RYR3: variants seen among roughly 807,000 people sequenced by gnomAD.
RYR3 encodes the protein ryanodine receptor 3.
RYR3 carries 207 observed loss-of-function variants against 584.3 expected under a neutral mutation model. The ratio of observed to expected loss-of-function variants is 0.35; its 90% confidence interval spans 0.32 to 0.40. RYR3 has a LOEUF of 0.40. Among genes scored for constraint, RYR3 ranks in the 10% least tolerant of loss-of-function variants. The pLI, the probability that RYR3 is intolerant of heterozygous loss-of-function variation, is 1.00. For synonymous variants in RYR3, 2,416 were observed against 2,248.5 expected (o/e 1.07, Z -2.11); for missense variants, 5,616 against 6,089.2 (o/e 0.92, Z 2.59).
At chr15:33,565,617 C>A (rs1249065904) in intron 11 of RYR3, among the ~76,000 whole-genome samples, 3 of 152,172 alleles carry the variant, frequency 2.0e-5, no homozygotes, top group African/African-American at 4.8e-5. Flanking sequence ...GACATGTAGA[C>A]TTCCAGGATC....
At chr15:33,742,301 C>G in intron 51 of RYR3, 65 bp from the exon 52 acceptor site, 1 of 1,010,874 alleles carries the variant, frequency 9.9e-7, no homozygotes. Flanking sequence ...GTAGTTCTGA[C>G]TATCTTCTAC....
chr15:33,436,614 C>T (rs1223703206), intron 1 of RYR3, among the ~76,000 whole-genome samples: 3 of 151,950 alleles, frequency 2.0e-5, no homozygotes, highest in African/African-American at 7.2e-5. Context: ...CATTCTCCTG[C>T]CTCAGGCTCC....
At chr15:33,558,955 C>T (rs944335547) in intron 10 of RYR3, among the ~76,000 whole-genome samples, 1 of 152,064 alleles carries the variant, frequency 6.6e-6, no homozygotes, top group Non-Finnish European at 1.5e-5. Context: ...AAGGGATGGG[C>T]TGGCTAGGCA....
At chr15:33,433,494 A>C (rs1037085286) in intron 1 of RYR3, among the ~76,000 whole-genome samples, 2 of 151,796 alleles carry the variant, frequency 1.3e-5, no homozygotes, top group African/African-American at 4.9e-5. Flanking sequence ...GTAATGATAC[A>C]CTCAAAGAAA....
At chr15:33,647,617 G>A (rs915908668) in intron 30 of RYR3, among the ~76,000 whole-genome samples, 157 bp downstream of exon 30, 2 of 152,112 alleles carry the variant, frequency 1.3e-5, no homozygotes, top group Non-Finnish European at 2.9e-5. Flanking sequence ...CACATCTGTG[G>A]CATTTCTCAA....
intron 1 of RYR3, among the ~76,000 whole-genome samples, chr15:33,327,431 T>C (rs566724286): frequency 5.3e-5 from 8 of 152,338 alleles, no homozygotes; most frequent in South Asian, 2.1e-4. Flanking sequence ...TTATAGACCT[T>C]GCTACCCTCG....
intron 38 of RYR3, among the ~76,000 whole-genome samples, chr15:33,674,175 G>A (rs536436183): frequency 6.6e-6 from 1 of 152,348 alleles, no homozygotes; most frequent in East Asian, 1.9e-4. Flanking sequence ...AAATGCTGTA[G>A]CATGTTTAGT....
chr15:33,422,835 G>A (rs750479642), intron 1 of RYR3, among the ~76,000 whole-genome samples: 7 of 152,034 alleles, frequency 4.6e-5, no homozygotes, highest in African/African-American at 7.3e-5. Context: ...CCATTGAATT[G>A]GTTTGAATAA....
chr15:33,533,590 A>C (rs1221379133), intron 5 of RYR3, among the ~76,000 whole-genome samples: 1 of 152,222 alleles, frequency 6.6e-6, no homozygotes, highest in African/African-American at 2.4e-5. Flanking sequence ...AGGAGAACAT[A>C]ATGTTTTTAC....
intron 3 of RYR3, among the ~76,000 whole-genome samples, chr15:33,517,931 A>G (rs2053656691): frequency 1.3e-5 from 2 of 152,200 alleles, no homozygotes; most frequent in Non-Finnish European, 2.9e-5. Context: ...TATGAGGAAC[A>G]TGGCACTTAT....
Position 33,329,140 on chromosome 15 carries a change from A to G in RYR3, c.51+18044A>G, listed in dbSNP as rs558252548. On this transcript the variant is annotated intron_variant, in intron 1 of 103. Transcript: ENST00000634891. The stretch of plus-strand genomic sequence containing the variant: ...GTTTCCTGCTTCCTCTTCTTCTCCC[A>G]TCCCCATTTCTTCCCCTGGCTTACA... Among the ~76,000 whole-genome samples the G allele has an allele frequency of 1.2e-3, 178 of 152,170 alleles. 1 individual carries two copies. The highest frequency in any genetic ancestry group is 4.1e-3 in the African/African-American group (171 of 41,522).
chr15:33,842,014 A>T lies in RYR3; in HGVS notation c.13188A>T (p.Glu4396Asp). 6 of 1,601,994 alleles carry T rather than the reference A, an allele frequency of 3.7e-6. No individual in the cohort carries two copies. Among genetic ancestry groups the T allele is most frequent in the South Asian group, 1.1e-5 (1 of 88,518 alleles). ...AFTANFFKGL[E>D]IYQTKLLHYL... ...CAGCCAATTTCTTTAAAGGGCTGGA[A>T]ATCTATCAGACCAAGTTACTGGTAA... is the stretch of plus-strand genomic sequence containing the variant. The change falls in exon 91 of 104, where the codon GAA becomes GAT. Residue 4396 changes from glutamate to aspartate, a missense_variant. Glu to Asp is a conservative substitution (Grantham distance 45, BLOSUM62 2). Around this residue, in one of 9 missense-constraint regions of RYR3, gnomAD observed 918 missense variants for 887.4 expected, o/e 1.03. Coordinates refer to ENST00000634891, the MANE Select transcript of RYR3 (RefSeq NM_001036.6).
intron 36 of RYR3, among the ~76,000 whole-genome samples, chr15:33,664,840 C>T (rs2063404314): frequency 6.6e-6 from 1 of 151,984 alleles, no homozygotes; most frequent in East Asian, 1.9e-4. Context: ...ACAACTCCAT[C>T]CAATTACTTT....
intron 18 of RYR3, among the ~76,000 whole-genome samples, chr15:33,612,802 C>T (rs1208067288): frequency 3.3e-5 from 5 of 152,204 alleles, no homozygotes; most frequent in African/African-American, 9.6e-5. Flanking sequence ...CAGACACACA[C>T]ACCAGCTACT....
rs184062644 is a variant in RYR3 at position 33,568,151 on chromosome 15, G to T, written c.1268+1352G>T. Among the ~76,000 whole-genome samples, 168 of 152,300 alleles carry T rather than the reference G, an allele frequency of 1.1e-3. 1 individual carries two copies. Among genetic ancestry groups the T allele is most frequent in the Non-Finnish European group, 1.7e-3 (119 of 68,028 alleles). The stretch of plus-strand genomic sequence containing the variant: ...GAAGTGGAAAGAGTTACCTAGGGCT[G>T]GGGTGTCTTGGGGGAAAGGGAGAGT... On this transcript the variant is annotated intron_variant, in intron 12 of 103. Coordinates refer to ENST00000634891, the MANE Select transcript of RYR3 (RefSeq NM_001036.6).
At chr15:33,685,316 C>G (rs1041626301) in intron 38 of RYR3, among the ~76,000 whole-genome samples, 6 of 152,128 alleles carry the variant, frequency 3.9e-5, no homozygotes, top group Admixed American at 3.3e-4. Flanking sequence ...ATAAAACAGA[C>G]TTTAAACCAA....
intron 1 of RYR3, among the ~76,000 whole-genome samples, chr15:33,320,087 GC>G (rs1331987510): frequency 3.9e-5 from 6 of 152,172 alleles, no homozygotes; most frequent in Admixed American, 6.5e-5. Context: ...ATTCTGAGCT[GC>G]CTACCATTGT....
chr15:33,709,280 A>G (rs74005966), intron 43 of RYR3, among the ~76,000 whole-genome samples: 4,065 of 152,238 alleles, frequency 0.027, 177 homozygotes, highest in African/African-American at 0.093. Context: ...GAAGGGGTTC[A>G]AGAGGGGAAA....
chr15:33,707,569 CCAACA>C (rs1245641911), intron 43 of RYR3, among the ~76,000 whole-genome samples: 2 of 152,144 alleles, frequency 1.3e-5, no homozygotes, highest in Non-Finnish European at 2.9e-5. Context: ...ATAGTGAATT[CCAACA>C]CAACCAGAAT....
Sources: allele counts gnomAD v4.1 joint callset (sites outside exome capture counted in the v4.1 genomes callset), GRCh38; gene constraint gnomAD v4.1.1; regional missense constraint gnomAD v4.1.1; transcripts MANE v1.5; gene names NCBI Gene and HGNC (gene_info 2026-07-23, HGNC 2026-07-21).